The following ESR1 variants were observed in gnomAD, a reference collection of about 807,000 sequenced individuals.
ESR1 encodes estrogen receptor.
A neutral mutation model predicts 52.7 loss-of-function variants in ESR1; 12 were observed. That is an observed-to-expected ratio of 0.23 (90% CI 0.15 to 0.37). The LOEUF is 0.37. Among genes scored for constraint, ESR1 ranks in the 10% least tolerant of loss-of-function variants. The probability of loss-of-function intolerance (pLI) is 1.00; values close to 1 mark genes in which losing one functional copy is unlikely to be tolerated. For synonymous variants in ESR1, 305 were observed against 316.8 expected (o/e 0.96, Z 0.39); for missense variants, 584 against 779.7 (o/e 0.75, Z 2.99).
intron 1 of ESR1, among the ~76,000 whole-genome samples, chr6:151,694,057 C>T (rs1187568268): frequency 2.0e-5 from 3 of 152,130 alleles, no homozygotes; most frequent in African/African-American, 7.2e-5. Flanking sequence ...TTACTTTGTG[C>T]GATGCTTTTT....
At chr6:152,016,514 A>T (rs2043184098) in intron 5 of ESR1, among the ~76,000 whole-genome samples, 1 of 152,122 alleles carries the variant, frequency 6.6e-6, no homozygotes, top group African/African-American at 2.4e-5. Context: ...GATGGCATTG[A>T]TAGATGCATT....
chr6:151,935,086 C>G (rs1282936220), intron 3 of ESR1, among the ~76,000 whole-genome samples: 2 of 152,206 alleles, frequency 1.3e-5, no homozygotes, highest in African/African-American at 4.8e-5. Flanking sequence ...GCTTCCTTGG[C>G]TGTAATAAGG....
chr6:152,119,262 C>G (rs992599622), intron 6 of ESR1, among the ~76,000 whole-genome samples: 3 of 152,162 alleles, frequency 2.0e-5, no homozygotes, highest in Non-Finnish European at 2.9e-5. Context: ...TCTCAGGCCT[C>G]GGCATGTTGA....
intron 1 of ESR1, among the ~76,000 whole-genome samples, chr6:151,811,715 C>T (rs1035193055): frequency 4.6e-5 from 7 of 152,230 alleles, no homozygotes; most frequent in African/African-American, 1.7e-4. Flanking sequence ...AGCCCCCTTC[C>T]TTTCTGATCT....
At chr6:151,674,590 T>C (rs1387088638) in intron 1 of ESR1, among the ~76,000 whole-genome samples, 1 of 152,226 alleles carries the variant, frequency 6.6e-6, no homozygotes, top group Admixed American at 6.5e-5. Flanking sequence ...TCTAGATCCT[T>C]GAGGAATTGC....
rs777611363 is a variant in ESR1, at chr6:152,098,851, C to T, written c.1673C>T (p.Ala558Val). 5 of 1,614,202 alleles carry T rather than the reference C, an allele frequency of 3.1e-6. No individual in the cohort carries two copies. Among genetic ancestry groups the T allele is most frequent in the Non-Finnish European group, 3.4e-6 (4 of 1,180,030 alleles). ...RLHAPTSRGGASVEETDQSHL... is the reference protein window; with the variant it reads ...RLHAPTSRGGVSVEETDQSHL... The stretch of plus-strand genomic sequence containing the variant: ...CATGCGCCCACTAGCCGTGGAGGGG[C>T]ATCCGTGGAGGAGACGGACCAAAGC... The change falls in exon 8 of 8, where the codon GCA becomes GTA. Residue 558 changes from alanine to valine, a missense_variant. By Grantham distance (64) the Ala-to-Val change is moderately conservative. Transcript: ENST00000206249. This position sits in a 1 kb window ranked among gnomAD's most constrained non-coding sequence, Gnocchi z 5.1.
At chr6:151,718,581 TGAAGA>T (rs2128012701) in intron 2 of ESR1, among the ~76,000 whole-genome samples, 1 of 152,324 alleles carries the variant, frequency 6.6e-6, no homozygotes, top group East Asian at 1.9e-4. Flanking sequence ...ATGGGCTGAA[TGAAGA>T]GGTGAAGGAG....
chr6:151,972,508 C>A (rs1174154080), intron 4 of ESR1, among the ~76,000 whole-genome samples: 1 of 152,104 alleles, frequency 6.6e-6, no homozygotes, highest in Admixed American at 6.5e-5. Context: ...ATTCACAAGT[C>A]AATAAATGTG....
At chr6:151,753,528 G>A (rs913566928) in intron 2 of ESR1, among the ~76,000 whole-genome samples, 1 of 152,016 alleles carries the variant, frequency 6.6e-6, no homozygotes, top group Non-Finnish European at 1.5e-5. Context: ...GTGTTGACTA[G>A]GGTGGTCTCA....
chr6:152,078,465 CA>C (rs1234541117), intron 6 of ESR1, among the ~76,000 whole-genome samples: 2 of 152,148 alleles, frequency 1.3e-5, no homozygotes, highest in Admixed American at 1.3e-4. Flanking sequence ...GTCAGGAAAA[CA>C]TTTTTTTTTC....
At position 152,036,107 on chromosome 6, in the gene ESR1, C is replaced by T. The variant is rs557593054; in HGVS notation, c.1235+24313C>T. The stretch of plus-strand genomic sequence containing the variant: ...AACCAGGGCCAGGCACGGTGGCTCA[C>T]GCCTGTAATCCCAGGAGGCCAAGGC... On this transcript the variant is annotated intron_variant, in intron 5 of 7. Coordinates refer to ENST00000206249, the MANE Select transcript of ESR1 (RefSeq NM_000125.4). 7.4e-3 allele frequency among the ~76,000 whole-genome samples: 955 copies of T among 128,774 alleles called. 5 individuals are homozygous for T. The highest frequency in any genetic ancestry group is 0.015 in the African/African-American group (410 of 27,844). 84.5% of individuals were successfully genotyped at this position (128,774 alleles called of 152,430 possible).
intron 2 of ESR1, among the ~76,000 whole-genome samples, chr6:151,849,039 A>G (rs1785785637): frequency 6.6e-6 from 1 of 152,036 alleles, no homozygotes; most frequent in African/African-American, 2.4e-5. Context: ...CCTTTGCTTG[A>G]AATACCCAGA....
chr6:151,686,674 C>G (rs111252207), upstream of ESR1, among the ~76,000 whole-genome samples: 2 of 149,892 alleles, frequency 1.3e-5, no homozygotes, highest in East Asian at 2.0e-4. Flanking sequence ...GGTGACAGAG[C>G]AAGACTCCAT....
chr6:152,125,355 T>C, exon 7 of ESR1: 1 of 1,550,048 alleles, frequency 6.5e-7, no homozygotes. Context: ...CTAAAGCCTC[T>C]GGTCATAAGG....
chr6:151,698,192 C>T (rs1486775964), intron 1 of ESR1, among the ~76,000 whole-genome samples: 1 of 151,594 alleles, frequency 6.6e-6, no homozygotes, highest in Non-Finnish European at 1.5e-5. Context: ...ATGGCGAAAC[C>T]CCATCTCTAT....
intron 1 of ESR1, among the ~76,000 whole-genome samples, chr6:151,666,778 C>T (rs899910523): frequency 3.5e-5 from 5 of 141,316 alleles, no homozygotes; most frequent in African/African-American, 1.0e-4. Context: ...GGTTGCAGAA[C>T]GAATGAAGGC....
At chr6:151,724,725 A>C (rs959029139) in intron 2 of ESR1, among the ~76,000 whole-genome samples, 2 of 152,178 alleles carry the variant, frequency 1.3e-5, no homozygotes, top group African/African-American at 4.8e-5. Context: ...TCCATCCTGA[A>C]GACAGATTTT....
chr6:152,078,503 T>A (rs1415244159), intron 6 of ESR1, among the ~76,000 whole-genome samples: 1 of 152,218 alleles, frequency 6.6e-6, no homozygotes, highest in Admixed American at 6.5e-5. Context: ...TTTTGGTTGC[T>A]TCCAAGATGG....
chr6:151,676,258 T>C (rs1778248856), intron 1 of ESR1, among the ~76,000 whole-genome samples: 1 of 152,056 alleles, frequency 6.6e-6, no homozygotes, highest in African/African-American at 2.4e-5. Flanking sequence ...GGTCCATACT[T>C]GGTTCTGTTT....
Sources: allele counts gnomAD v4.1 joint callset (sites outside exome capture counted in the v4.1 genomes callset), GRCh38; gene constraint gnomAD v4.1.1; non-coding constraint Gnocchi (gnomAD v3.1); transcripts MANE v1.5; gene names NCBI Gene and HGNC (gene_info 2026-07-23, HGNC 2026-07-21).